Variants in ENOX1 observed in about 807,000 individuals in gnomAD.
ENOX1 encodes ecto-NOX disulfide-thiol exchanger 1.
ENOX1 carries 42 observed loss-of-function variants against 82.5 expected under a neutral mutation model. The observed-to-expected ratio is 0.51, with a 90% confidence interval of 0.40 to 0.66. The LOEUF is 0.66. Among genes scored for constraint, ENOX1 ranks in the 30% least tolerant of loss-of-function variants. The pLI is 0.00. For synonymous variants in ENOX1, 271 were observed against 282.2 expected, an observed-to-expected ratio of 0.96 and a Z score of 0.40; for missense variants, 608 against 811.6, an observed-to-expected ratio of 0.75 and a Z score of 3.05.
intron 8 of ENOX1, among the ~76,000 whole-genome samples, chr13:43,350,457 GT>G (rs1250957278): frequency 6.6e-6 from 1 of 152,050 alleles, no homozygotes; most frequent in Non-Finnish European, 1.5e-5. Flanking sequence ...TTTTGTTTTT[GT>G]TTTTGAGATG....
intron 9 of ENOX1, among the ~76,000 whole-genome samples, chr13:43,338,977 G>GCA (rs2048904315): frequency 1.3e-5 from 2 of 152,280 alleles, no homozygotes; most frequent in Non-Finnish European, 2.9e-5. Flanking sequence ...GAGCCACCGT[G>GCA]CCCGGCCTCG....
intron 2 of ENOX1, among the ~76,000 whole-genome samples, chr13:43,502,389 C>A (rs1036836047): frequency 6.6e-6 from 1 of 151,538 alleles, no homozygotes; most frequent in Non-Finnish European, 1.5e-5. Context: ...CAATACAAAC[C>A]AAGACAAAGA....
At position 43,286,033 on chromosome 13, in the gene ENOX1, G is replaced by A. The variant is rs574373656; in HGVS notation, c.1446+12313C>T. Among the ~76,000 whole-genome samples the A allele has an allele frequency of 4.3e-4, 66 of 152,268 alleles. 1 individual carries two copies. The highest frequency in any genetic ancestry group is 2.3e-3 in the East Asian group (12 of 5,180). On this transcript the variant is annotated intron_variant, in intron 12 of 16. Coordinates refer to ENST00000690772, the MANE Select transcript of ENOX1 (RefSeq NM_001347969.2). Reference sequence around the variant, plus strand: ...AGCATGAAGACCCCCAACTGCGGCCGGAGTTGAAATGGGTAATTACATCAG... The same window carrying A: ...AGCATGAAGACCCCCAACTGCGGCCAGAGTTGAAATGGGTAATTACATCAG...
In ENOX1 at chr13:43,290,528, T is replaced by G. The variant is rs569274204; in HGVS notation, c.1446+7818A>C. Among the ~76,000 whole-genome samples, 5 of 152,258 alleles carry G rather than the reference T, an allele frequency of 3.3e-5. No homozygotes were observed. In the South Asian group the frequency reaches 1.0e-3, roughly 32 times the overall value. ...GAAACCAAATACTGCATCTTCTCAA[T>G]TATAAGTGGGAGCTAAACACTGAGT... On this transcript the variant is annotated intron_variant, in intron 12 of 16. Transcript: ENST00000690772.
chr13:43,557,047 GGA>G (rs1490693557), intron 2 of ENOX1, among the ~76,000 whole-genome samples: 6 of 152,254 alleles, frequency 3.9e-5, no homozygotes, highest in Non-Finnish European at 8.8e-5. Flanking sequence ...GTGCGAAGCA[GGA>G]GAGAGTTCAC....
intron 2 of ENOX1, among the ~76,000 whole-genome samples, chr13:43,641,543 T>TTTTC (rs2083652909): frequency 7.7e-6 from 1 of 129,072 alleles, no homozygotes; most frequent in Non-Finnish European, 1.6e-5. Flanking sequence ...TTTTTTTTTT[T>TTTTC]TTTTTTTTTT....
chr13:43,700,213 T>A (rs931497468), intron 1 of ENOX1, among the ~76,000 whole-genome samples: 1 of 152,140 alleles, frequency 6.6e-6, no homozygotes, highest in African/African-American at 2.4e-5. Context: ...AATAATTCCA[T>A]CTAGTAAGGG....
At chr13:43,702,090 A>G (rs1344019437) in intron 1 of ENOX1, among the ~76,000 whole-genome samples, 1 of 152,240 alleles carries the variant, frequency 6.6e-6, no homozygotes, top group Non-Finnish European at 1.5e-5. Context: ...ATGGAATTAT[A>G]CACTATGAAA....
intron 2 of ENOX1, among the ~76,000 whole-genome samples, chr13:43,658,568 G>A (rs2084559194): frequency 6.6e-6 from 1 of 152,092 alleles, no homozygotes; most frequent in South Asian, 2.1e-4. Flanking sequence ...ATTTGCGTTA[G>A]TTTCCTATGT....
At chr13:43,610,505 A>G (rs983064073) in intron 2 of ENOX1, among the ~76,000 whole-genome samples, 1 of 152,214 alleles carries the variant, frequency 6.6e-6, no homozygotes, top group African/African-American at 2.4e-5. Context: ...ATTTTCCATT[A>G]AGAAAAGTAT....
intron 13 of ENOX1, 58 bp from the exon 14 acceptor site, chr13:43,265,512 C>T (rs982459786): frequency 1.4e-6 from 2 of 1,414,610 alleles, no homozygotes; most frequent in African/African-American, 2.8e-5. Context: ...AAGCAAATCT[C>T]TTAAGTATAT....
intron 2 of ENOX1, among the ~76,000 whole-genome samples, chr13:43,525,770 A>G (rs1326269784): frequency 2.0e-5 from 3 of 151,922 alleles, no homozygotes; most frequent in Non-Finnish European, 4.4e-5. Context: ...AGCCATTTGT[A>G]TATCTTCTTT....
chr13:43,256,050 T>C (rs1291977100), intron 14 of ENOX1, among the ~76,000 whole-genome samples: 1 of 152,012 alleles, frequency 6.6e-6, no homozygotes, highest in Non-Finnish European at 1.5e-5. Flanking sequence ...GTCAAAAACA[T>C]AGATTGGGGA....
At chr13:43,358,447 G>T (rs1411203872) in intron 7 of ENOX1, among the ~76,000 whole-genome samples, 1 of 151,534 alleles carries the variant, frequency 6.6e-6, no homozygotes, top group African/African-American at 2.4e-5. Flanking sequence ...TATACATGGG[G>T]CGGGGGCGGG....
intron 15 of ENOX1, among the ~76,000 whole-genome samples, chr13:43,225,584 A>ATC (rs1275005652): frequency 6.6e-6 from 1 of 152,192 alleles, no homozygotes; most frequent in Non-Finnish European, 1.5e-5. Context: ...ATGAAATGCC[A>ATC]TCTGGGTGGG....
At chr13:43,695,910 C>T (rs2086619466) in intron 1 of ENOX1, among the ~76,000 whole-genome samples, 2 of 152,176 alleles carry the variant, frequency 1.3e-5, no homozygotes, top group South Asian at 2.1e-4. Context: ...TTTAATCATC[C>T]TCAAAAGAAA....
intron 3 of ENOX1, among the ~76,000 whole-genome samples, chr13:43,436,435 A>G (rs577924612): frequency 6.6e-6 from 1 of 152,346 alleles, no homozygotes; most frequent in African/African-American, 2.4e-5. Context: ...TAATCTCAGA[A>G]TTCATTAACC....
At chr13:43,703,346 A>AT (rs1327726536) in intron 1 of ENOX1, among the ~76,000 whole-genome samples, 1 of 151,976 alleles carries the variant, frequency 6.6e-6, no homozygotes, top group Non-Finnish European at 1.5e-5. Context: ...AACAATCTAG[A>AT]TTTTCTCCCC....
intron 16 of ENOX1, among the ~76,000 whole-genome samples, chr13:43,218,710 CA>C (rs1244359975): frequency 9.9e-5 from 15 of 152,270 alleles, no homozygotes; most frequent in African/African-American, 3.6e-4. Flanking sequence ...GAAGAAAGAT[CA>C]GGGAGAAAGC....
Sources: gnomAD v4.1 joint callset for allele counts (sites outside exome capture counted in the v4.1 genomes callset) on GRCh38, gnomAD v4.1.1 for gene constraint, MANE v1.5 for transcripts, NCBI Gene and HGNC (gene_info 2026-07-23, HGNC 2026-07-21) for gene names.